MEOX2: variants seen among roughly 807,000 people sequenced by gnomAD.
The protein encoded by MEOX2 is homeobox protein MOX-2.
MEOX2 carries 11 observed loss-of-function variants against 27.0 expected under a neutral mutation model. The observed-to-expected ratio is 0.41, with a 90% CI of 0.26 to 0.68. MEOX2 has a LOEUF of 0.68. Ranked by LOEUF, MEOX2 falls within the 30% of genes least tolerant of loss-of-function variation. The pLI is 0.33. For missense variants in MEOX2, 436 were observed against 385.4 expected (o/e 1.13, Z -1.10); for synonymous variants, 189 against 155.4 (o/e 1.22, Z -1.61).
chr7:15,622,625 C>G (rs1055498456), intron 2 of MEOX2, among the ~76,000 whole-genome samples: 1 of 151,984 alleles, frequency 6.6e-6, no homozygotes, highest in Non-Finnish European at 1.5e-5. Flanking sequence ...AGATATTTTA[C>G]ATGTGGAAAT....
chr7:15,673,803 A>T (rs1049762192), intron 1 of MEOX2, among the ~76,000 whole-genome samples: 1 of 152,106 alleles, frequency 6.6e-6, no homozygotes, highest in African/African-American at 2.4e-5. Flanking sequence ...TAACTAAGAG[A>T]TGTGGAAAAT....
intron 1 of MEOX2, among the ~76,000 whole-genome samples, chr7:15,685,332 A>G (rs1163333193): frequency 1.3e-5 from 2 of 152,100 alleles, no homozygotes; most frequent in African/African-American, 2.4e-5. Flanking sequence ...TGCTATTTAA[A>G]GAACGCTGAA....
At chr7:15,628,899 T>A (rs1042836792) in intron 1 of MEOX2, among the ~76,000 whole-genome samples, 20 of 152,098 alleles carry the variant, frequency 1.3e-4, no homozygotes, top group African/African-American at 4.6e-4. Context: ...AATATTCAGA[T>A]AGCAAGACCT....
intron 2 of MEOX2, among the ~76,000 whole-genome samples, chr7:15,626,336 T>A (rs1315418343): frequency 6.6e-6 from 1 of 152,066 alleles, no homozygotes; most frequent in East Asian, 1.9e-4. Flanking sequence ...TGAGGGTGAA[T>A]GTGTTACTGC....
chr7:15,614,050 C>A (rs1435500789), intron 2 of MEOX2, among the ~76,000 whole-genome samples: 1 of 110,192 alleles, frequency 9.1e-6, no homozygotes, highest in East Asian at 2.4e-4. Context: ...TTAAATTTAT[C>A]TATTGTTTCT....
In MEOX2 at chr7:15,667,289, C is replaced by CAAAAAAAAAAAAAAAAAAA. The variant is rs532691969; in HGVS notation, c.517+18578_517+18596dup. Among the ~76,000 whole-genome samples the CAAAAAAAAAAAAAAAAAAA allele has an allele frequency of 1.3e-3, 55 of 40,962 alleles. 5 individuals are homozygous for CAAAAAAAAAAAAAAAAAAA. The highest frequency in any genetic ancestry group is 1.5e-3 in the African/African-American group (15 of 10,066). The allele number at this position is 40,962 out of a possible 152,430, so 26.9% of individuals were successfully genotyped here. A position where few individuals can be genotyped will look rare whatever the true frequency, so the allele number is the denominator to read the frequency against. On this transcript the variant is annotated intron_variant, in intron 1 of 2. Coordinates refer to ENST00000262041, the MANE Select transcript of MEOX2 (RefSeq NM_005924.5). The stretch of plus-strand genomic sequence containing the variant: ...CTGGCAACAGAGTGAGACTCTGTCT[C>CAAAAAAAAAAAAAAAAAAA]AAAAAAAAAAAAAAAAAAAAAAAGT...
intron 1 of MEOX2, among the ~76,000 whole-genome samples, chr7:15,667,242 G>A (rs12533130): frequency 0.12 from 14,640 of 126,136 alleles, 898 homozygotes; most frequent in Middle Eastern, 0.28. Flanking sequence ...AGTGAGCCAA[G>A]ATTGCACCAC....
chr7:15,631,141 T>A (rs1365219123), intron 1 of MEOX2, among the ~76,000 whole-genome samples: 2 of 151,874 alleles, frequency 1.3e-5, no homozygotes, highest in Non-Finnish European at 2.9e-5. Context: ...TAATAATACA[T>A]TCTCTTACAA....
At chr7:15,614,189 C>G (rs1036737727) in intron 2 of MEOX2, among the ~76,000 whole-genome samples, 1 of 144,500 alleles carries the variant, frequency 6.9e-6, no homozygotes, top group Non-Finnish European at 1.5e-5. Context: ...GACCCTGTCT[C>G]TACAAATAAA....
intron 1 of MEOX2, among the ~76,000 whole-genome samples, chr7:15,629,999 G>A (rs778393034): frequency 6.6e-6 from 1 of 151,980 alleles, no homozygotes; most frequent in Non-Finnish European, 1.5e-5. Context: ...AGGTGCTGAG[G>A]GGGGAATCTG....
chr7:15,652,697 A>G (rs1170930054), intron 1 of MEOX2, among the ~76,000 whole-genome samples: 1 of 152,038 alleles, frequency 6.6e-6, no homozygotes, highest in Non-Finnish European at 1.5e-5. Flanking sequence ...TTTGTCCTCT[A>G]GAGAATGCTA....
At chr7:15,616,293 A>G (rs1781122735) in intron 2 of MEOX2, among the ~76,000 whole-genome samples, 1 of 151,926 alleles carries the variant, frequency 6.6e-6, no homozygotes, top group Non-Finnish European at 1.5e-5. Flanking sequence ...CATATCTTAT[A>G]GAAAATAGAA....
chr7:15,670,236 A>C (rs1782073616), intron 1 of MEOX2, among the ~76,000 whole-genome samples: 1 of 152,196 alleles, frequency 6.6e-6, no homozygotes, highest in African/African-American at 2.4e-5. Flanking sequence ...TTTAGGATGC[A>C]CTTTGTCCTC....
At chr7:15,666,828 A>G (rs1782016236) in intron 1 of MEOX2, among the ~76,000 whole-genome samples, 1 of 143,428 alleles carries the variant, frequency 7.0e-6, no homozygotes, top group Admixed American at 7.0e-5. Flanking sequence ...AAAATTGAGG[A>G]TATGAACAAG....
chr7:15,654,515 T>G (rs903955185), intron 1 of MEOX2, among the ~76,000 whole-genome samples: 7 of 151,816 alleles, frequency 4.6e-5, no homozygotes, highest in African/African-American at 1.7e-4. Context: ...CTTTCATCAT[T>G]AGTATGTTAA....
rs138390630 is a variant in MEOX2, at chr7:15,628,554, T to G, written c.518-1636A>C. Among the ~76,000 whole-genome samples the G allele has an allele frequency of 1.2e-4, 19 of 152,198 alleles. No individual in the cohort carries two copies. The East Asian group carries it at 3.5e-3, about 28-fold the overall frequency. On this transcript the variant is annotated intron_variant, in intron 1 of 2. Coordinates refer to ENST00000262041, the MANE Select transcript of MEOX2 (RefSeq NM_005924.5). Reference sequence around the variant, plus strand: ...CAGCTAGCTTCTCACCTTAGCAGGGTATGTGGGGCTTTATCCAGCACCAAA... The same window carrying G: ...CAGCTAGCTTCTCACCTTAGCAGGGGATGTGGGGCTTTATCCAGCACCAAA...
chr7:15,659,173 T>C (rs535968883), intron 1 of MEOX2, among the ~76,000 whole-genome samples: 6 of 152,264 alleles, frequency 3.9e-5, no homozygotes, highest in African/African-American at 1.4e-4. Flanking sequence ...CTATTTTTTA[T>C]TTTATTTATT....
rs965227479 is a variant in MEOX2, at chr7:15,686,032, G to T, written c.371C>A (p.Pro124Gln). ...SGGPPELGSS[P>Q]PVLCSNSSSL... ...GGAAGAGTTGGAGCACAGGACGGGC[G>T]GGCTGCTCCCCAACTCTGGGGGCCC... Residue 124 changes from proline to glutamine, a missense_variant, in exon 1 of 3, where the codon CCG becomes CAG. By Grantham distance (76) the Pro-to-Gln change is moderately conservative. Coordinates refer to ENST00000262041, the MANE Select transcript of MEOX2 (RefSeq NM_005924.5). 6 of 1,606,456 alleles carry T rather than the reference G, an allele frequency of 3.7e-6. No individual in the cohort carries two copies. The highest frequency in any genetic ancestry group is 3.4e-6 in the Non-Finnish European group (4 of 1,179,330).
intron 2 of MEOX2, among the ~76,000 whole-genome samples, 178 bp from the exon 3 acceptor site, chr7:15,612,789 A>C (rs4141308): frequency 0.68 from 103,230 of 152,072 alleles, 35,293 homozygotes; most frequent in East Asian, 0.81. Flanking sequence ...TGTTCATGAT[A>C]ATAATTTTTA....
Sources: allele counts gnomAD v4.1 joint callset (sites outside exome capture counted in the v4.1 genomes callset), GRCh38; gene constraint gnomAD v4.1.1; transcripts MANE v1.5; gene names NCBI Gene and HGNC (gene_info 2026-07-23, HGNC 2026-07-21).